Variants in TGFBR3 observed in about 807,000 individuals in gnomAD.
TGFBR3 encodes transforming growth factor beta receptor 3, also known as transforming growth factor beta receptor type 3.
In TGFBR3, 46 loss-of-function variants were observed where a neutral mutation model predicts 87.9. The ratio of observed to expected loss-of-function variants is 0.52; its 90% CI spans 0.41 to 0.67. The LOEUF is 0.67. Ranked by LOEUF, TGFBR3 falls within the 30% of genes least tolerant of loss-of-function variation. The pLI is 0.00. For synonymous variants in TGFBR3, 381 were observed against 391.6 expected (o/e 0.97, Z 0.32); for missense variants, 866 against 1,041.9 (o/e 0.83, Z 2.32).
chr1:91,841,793 CAAAAAAA>C lies in TGFBR3; in HGVS notation c.61+19671_61+19677del, dbSNP rs57953815. 7.0e-3 allele frequency among the ~76,000 whole-genome samples: 626 copies of C among 88,810 alleles called. 9 individuals carry two copies. Among genetic ancestry groups the C allele is most frequent in the African/African-American group, 0.027 (598 of 22,352 alleles). 58.3% of individuals were successfully genotyped at this position (88,810 alleles called of 152,430 possible). A position where few individuals can be genotyped will look rare whatever the true frequency, so the allele number is the denominator to read the frequency against. Reference sequence around the variant, plus strand: ...TGGGCAACAGAGCAAGACTCCATCTCAAAAAAAAAAAAAAAAAAAAGTAGTTTTAGGC... The same window carrying C: ...TGGGCAACAGAGCAAGACTCCATCTCAAAAAAAAAAAAAGTAGTTTTAGGC... On this transcript the variant is annotated intron_variant, in intron 2 of 16. Transcript: ENST00000212355.
rs147130221 is a variant in TGFBR3, at chr1:91,808,947, G to GAGA, written c.62-11479_62-11477dup. Among the ~76,000 whole-genome samples the GAGA allele has an allele frequency of 0.012, 1,780 of 152,240 alleles. 94 individuals carry two copies. The East Asian group carries it at 0.16, about 13-fold the overall frequency. ...ACAAATCTGAAGGTTTGAAGGATGG[G>GAGA]AGAAAATAAGATCTTTTTTCTCCTA... On this transcript the variant is annotated intron_variant, in intron 2 of 16. Transcript: ENST00000212355.
At chr1:91,822,505 C>T (rs1011639666) in intron 2 of TGFBR3, among the ~76,000 whole-genome samples, 5 of 152,168 alleles carry the variant, frequency 3.3e-5, no homozygotes, top group African/African-American at 1.2e-4. Flanking sequence ...CCAAATCCTC[C>T]TCACTAAAAG....
intron 1 of TGFBR3, among the ~76,000 whole-genome samples, chr1:91,904,835 G>A (rs1204810500): frequency 1.3e-5 from 2 of 151,970 alleles, no homozygotes; most frequent in Non-Finnish European, 2.9e-5. Flanking sequence ...CAAAGTGCTG[G>A]GACTATAGGC....
intron 3 of TGFBR3, among the ~76,000 whole-genome samples, chr1:91,764,870 G>A (rs910183604): frequency 6.6e-6 from 1 of 151,996 alleles, no homozygotes; most frequent in Non-Finnish European, 1.5e-5. Context: ...CCCTCCCTCA[G>A]ACAGAGCCAG....
intron 1 of TGFBR3, among the ~76,000 whole-genome samples, chr1:91,868,163 C>T (rs1325953916): frequency 1.3e-5 from 2 of 152,204 alleles, no homozygotes; most frequent in African/African-American, 2.4e-5. Context: ...GGTGATCAAC[C>T]CACCTCAGCC....
upstream of TGFBR3, among the ~76,000 whole-genome samples, chr1:91,886,673 C>A (rs963945231): frequency 6.6e-6 from 1 of 152,198 alleles, no homozygotes; most frequent in Non-Finnish European, 1.5e-5. Context: ...TGCACACATT[C>A]ATTCTGTCCC....
At position 91,681,161 on chromosome 1, in the gene TGFBR3, A is replaced by G. The variant is rs1165081166; in HGVS notation, c.*2578T>C. The G allele has an allele frequency of 2.2e-6, 1 of 454,122 alleles. No homozygotes were observed. Among genetic ancestry groups the G allele is most frequent in the Non-Finnish European group, 4.4e-6 (1 of 226,782 alleles). 28.1% of individuals were successfully genotyped at this position (454,122 alleles called of 1,614,324 possible). On this transcript the variant is annotated 3_prime_UTR_variant, in exon 17 of 17. Transcript: ENST00000212355. ...AGAAACTTGTAGTACACGTTATAAAAGTAGAGCTTGTACTTTGTATTAAAA... is the reference window on the plus strand; with the variant it reads ...AGAAACTTGTAGTACACGTTATAAAGGTAGAGCTTGTACTTTGTATTAAAA...
chr1:91,774,764 GTT>G (rs1674510378), intron 3 of TGFBR3, among the ~76,000 whole-genome samples: 1 of 152,088 alleles, frequency 6.6e-6, no homozygotes, highest in Admixed American at 6.5e-5. Flanking sequence ...ACTGTGCAAA[GTT>G]ATGAAATTCT....
intron 16 of TGFBR3, among the ~76,000 whole-genome samples, chr1:91,688,229 G>A (rs955234275): frequency 1.3e-5 from 2 of 152,152 alleles, no homozygotes; most frequent in Admixed American, 6.5e-5. Flanking sequence ...CTGCAGTGTG[G>A]CCAACCTGTT....
chr1:91,775,468 T>C (rs1674535473), intron 3 of TGFBR3, among the ~76,000 whole-genome samples: 2 of 152,180 alleles, frequency 1.3e-5, no homozygotes, highest in South Asian at 4.1e-4. Flanking sequence ...AGTTCACGCC[T>C]TTTCACCATT....
At chr1:91,755,210 G>C (rs151224204) in intron 4 of TGFBR3, 1 of 152,224 alleles carries the variant, frequency 6.6e-6, no homozygotes, top group Non-Finnish European at 1.5e-5. Context: ...TGGATAAAGA[G>C]AACACACTAC....
At chr1:91,779,048 A>T (rs1400985810) in intron 3 of TGFBR3, among the ~76,000 whole-genome samples, 8 of 152,188 alleles carry the variant, frequency 5.3e-5, no homozygotes. Flanking sequence ...ACTGCAGCAC[A>T]GTGAGCAATG....
intron 2 of TGFBR3, among the ~76,000 whole-genome samples, chr1:91,892,131 C>T (rs1452367897): frequency 2.0e-5 from 3 of 152,186 alleles, no homozygotes; most frequent in African/African-American, 7.2e-5. Flanking sequence ...CAGAAGCCCC[C>T]AATGGAGGTT....
chr1:91,772,922 G>A (rs946847623), intron 3 of TGFBR3, among the ~76,000 whole-genome samples: 1 of 152,162 alleles, frequency 6.6e-6, no homozygotes, highest in African/African-American at 2.4e-5. Flanking sequence ...ACAAAAATAG[G>A]ATTGTCTGAT....
intron 13 of TGFBR3, among the ~76,000 whole-genome samples, chr1:91,711,317 C>T (rs1342339737): frequency 1.3e-5 from 2 of 151,992 alleles, no homozygotes. Flanking sequence ...AAAAGGATGC[C>T]CAGGGGACTA....
intron 2 of TGFBR3, among the ~76,000 whole-genome samples, chr1:91,833,594 C>T (rs1273846838): frequency 6.6e-6 from 1 of 151,060 alleles, no homozygotes. Context: ...ATGGTGAAAC[C>T]CCACATCTAC....
At chr1:91,724,503 G>A (rs1672483943) in intron 7 of TGFBR3, among the ~76,000 whole-genome samples, 1 of 152,150 alleles carries the variant, frequency 6.6e-6, no homozygotes, top group South Asian at 2.1e-4. Flanking sequence ...ACTGCCACCT[G>A]TCCTTTTGCA....
chr1:91,757,055 T>C (rs1244928098), intron 4 of TGFBR3, among the ~76,000 whole-genome samples: 1 of 152,196 alleles, frequency 6.6e-6, no homozygotes, highest in Non-Finnish European at 1.5e-5. Flanking sequence ...ACTGTCCCCC[T>C]AATGTCTTTT....
chr1:91,833,304 A>AAAAAC lies in TGFBR3; in HGVS notation c.61+28166_61+28167insGTTTT, dbSNP rs1553171125. Among the ~76,000 whole-genome samples, 17 of 132,884 alleles carry AAAAAC rather than the reference A, an allele frequency of 1.3e-4. 1 individual carries two copies. Among genetic ancestry groups the AAAAAC allele is most frequent in the East Asian group, 2.6e-4 (1 of 3,796 alleles). The allele number at this position is 132,884 out of a possible 152,430, so 87.2% of individuals were successfully genotyped here. ...GTAGGAGACTCCGACTCAAAAAAAA[A>AAAAAC]AAAAAAAAAAAACAGGCCTGGTAAC... On this transcript the variant is annotated intron_variant, in intron 2 of 16. Transcript: ENST00000212355.
Sources: gnomAD v4.1 joint callset for allele counts (sites outside exome capture counted in the v4.1 genomes callset) on GRCh38, gnomAD v4.1.1 for gene constraint, MANE v1.5 for transcripts, NCBI Gene and HGNC (gene_info 2026-07-23, HGNC 2026-07-21) for gene names.